The following RBFOX1 variants were observed in gnomAD, a reference collection of about 807,000 sequenced individuals.
The protein encoded by RBFOX1 is RNA binding fox-1 homolog 1.
Under a neutral mutation model 57.7 loss-of-function variants are expected in RBFOX1, and 8 were observed. The ratio of observed to expected loss-of-function variants is 0.14; its 90% CI spans 0.08 to 0.25. The LOEUF (loss-of-function observed/expected upper bound fraction) is 0.25, where lower values mean the gene tolerates loss of function less well. RBFOX1 is among the 10% of genes least tolerant of loss of function. The pLI is 1.00. For missense variants in RBFOX1, 611 were observed against 548.5 expected (o/e 1.11, Z -1.14); for synonymous variants, 326 against 222.4 (o/e 1.47, Z -4.15).
At position 5,718,648 on chromosome 16, in the gene RBFOX1, T is replaced by A. The variant is rs561614237; in HGVS notation, c.318+119687T>A. On this transcript the variant is annotated intron_variant, in intron 3 of 19. Coordinates refer to the RBFOX1 transcript ENST00000641259. Reference sequence around the variant, plus strand: ...CTGGCTGGACATGGTAGCTCATGCTTGTAAGCCCAGAACTTTGGGAGGCCA... The same window carrying A: ...CTGGCTGGACATGGTAGCTCATGCTAGTAAGCCCAGAACTTTGGGAGGCCA... Among the ~76,000 whole-genome samples, 14 of 152,308 alleles carry A rather than the reference T, an allele frequency of 9.2e-5. 1 individual carries two copies. The South Asian group carries it at 2.3e-3, about 25-fold the overall frequency.
chr16:5,856,208 CA>C (rs2057039965), intron 3 of RBFOX1, among the ~76,000 whole-genome samples: 2 of 28,560 alleles, frequency 7.0e-5, no homozygotes, highest in African/African-American at 2.4e-4. Context: ...TATATATATA[CA>C]TATATATGTA....
intron 1 of RBFOX1, among the ~76,000 whole-genome samples, chr16:6,242,838 C>T (rs1445808997): frequency 6.6e-6 from 1 of 152,028 alleles, no homozygotes; most frequent in Non-Finnish European, 1.5e-5. Flanking sequence ...TGACCCTATG[C>T]CTTTAATCAC....
chr16:6,867,851 G>C (rs1603634415), intron 3 of RBFOX1, among the ~76,000 whole-genome samples: 1 of 152,128 alleles, frequency 6.6e-6, no homozygotes, highest in East Asian at 1.9e-4. Flanking sequence ...CCTTTCTGCT[G>C]ACAGGTGTCC....
chr16:7,677,171 TC>T (rs1292990084), intron 14 of RBFOX1, among the ~76,000 whole-genome samples: 4 of 66,558 alleles, frequency 6.0e-5, no homozygotes, highest in Admixed American at 2.0e-4. Flanking sequence ...CGTACAACCT[TC>T]TTATGGTCTT....
intron 4 of RBFOX1, among the ~76,000 whole-genome samples, chr16:5,881,757 A>G (rs376129276): frequency 2.0e-5 from 3 of 152,208 alleles, no homozygotes; most frequent in African/African-American, 7.2e-5. Context: ...GTGGTATAGT[A>G]AGACTTCATA....
intron 1 of RBFOX1, among the ~76,000 whole-genome samples, chr16:5,305,495 A>G (rs2063910827): frequency 6.6e-6 from 1 of 152,158 alleles, no homozygotes; most frequent in Non-Finnish European, 1.5e-5. Context: ...TTCTTTAAAG[A>G]CCATGTTTTA....
At chr16:6,401,372 A>G (rs948707055) in intron 2 of RBFOX1, among the ~76,000 whole-genome samples, 3 of 152,194 alleles carry the variant, frequency 2.0e-5, no homozygotes, top group African/African-American at 7.2e-5. Flanking sequence ...CTTCCTCACA[A>G]TATAAACACT....
At chr16:6,686,444 A>C (rs1442732882) in intron 3 of RBFOX1, among the ~76,000 whole-genome samples, 2 of 152,198 alleles carry the variant, frequency 1.3e-5, no homozygotes, top group Non-Finnish European at 2.9e-5. Flanking sequence ...CGTTGTACTC[A>C]CAACGCAGCT....
intron 2 of RBFOX1, among the ~76,000 whole-genome samples, chr16:6,594,099 C>T (rs886424728): frequency 6.6e-6 from 1 of 152,160 alleles, no homozygotes; most frequent in African/African-American, 2.4e-5. Context: ...AATGTGTCCT[C>T]ATCATGTTGA....
rs372020950 is a variant in RBFOX1, at chr16:6,126,555, A to G, written c.-127+106563A>G. ...ACATGGTAAAGTCAAGTTCCAAACT[A>G]TCTTCCATATGGCTTTAGACTGTAA... On this transcript the variant is annotated intron_variant, in intron 1 of 15. Coordinates refer to ENST00000550418, the MANE Select transcript of RBFOX1 (RefSeq NM_018723.4). Among the ~76,000 whole-genome samples, 70 of 152,330 alleles carry G rather than the reference A, an allele frequency of 4.6e-4. 2 individuals carry two copies. The South Asian group carries it at 0.014, about 31-fold the overall frequency.
At chr16:6,192,772 T>C (rs1451974586) in intron 1 of RBFOX1, among the ~76,000 whole-genome samples, 2 of 152,230 alleles carry the variant, frequency 1.3e-5, no homozygotes, top group African/African-American at 4.8e-5. Flanking sequence ...AGATTATGCA[T>C]GTGAAATGCT....
chr16:6,157,979 G>T (rs1430037072), intron 1 of RBFOX1, among the ~76,000 whole-genome samples: 2 of 152,144 alleles, frequency 1.3e-5, no homozygotes, highest in African/African-American at 4.8e-5. Flanking sequence ...AGAAAGATGA[G>T]ATATACTAAT....
At chr16:5,710,405 G>T (rs4786764) in intron 3 of RBFOX1, among the ~76,000 whole-genome samples, 101,272 of 151,994 alleles carry the variant, frequency 0.67, 34,672 homozygotes, top group Non-Finnish European at 0.72. Context: ...TTTGCTGCTT[G>T]GTAGCCTTGC....
At chr16:6,493,658 C>T (rs1414836649) in intron 2 of RBFOX1, among the ~76,000 whole-genome samples, 4 of 152,074 alleles carry the variant, frequency 2.6e-5, no homozygotes, top group Non-Finnish European at 5.9e-5. Flanking sequence ...TTTCAATTTG[C>T]TGTAAGGGCA....
intron 3 of RBFOX1, among the ~76,000 whole-genome samples, chr16:5,692,014 CT>C (rs1387058133): frequency 2.8e-5 from 1 of 35,512 alleles, no homozygotes; most frequent in Non-Finnish European, 9.7e-5. Flanking sequence ...TTTGGTAACT[CT>C]TTTTTTATTT....
At chr16:5,633,103 T>C (rs949477757) in intron 3 of RBFOX1, among the ~76,000 whole-genome samples, 1 of 151,976 alleles carries the variant, frequency 6.6e-6, no homozygotes, top group African/African-American at 2.4e-5. Context: ...CATGCCCGGC[T>C]AATTTTTGTA....
intron 1 of RBFOX1, among the ~76,000 whole-genome samples, chr16:6,109,006 TAGGACCTGATATCTTC>T (rs1176420608): frequency 1.8e-4 from 27 of 152,282 alleles, no homozygotes; most frequent in Admixed American, 1.6e-3. Context: ...CTACAGGGAT[TAGGACCTGATATCTTC>T]GGGTGGCGAT....
chr16:6,497,166 C>T (rs567067439), intron 2 of RBFOX1, among the ~76,000 whole-genome samples: 1 of 152,130 alleles, frequency 6.6e-6, no homozygotes, highest in East Asian at 1.9e-4. Context: ...GGACTGGGAA[C>T]TTGGCAACAG....
intron 1 of RBFOX1, among the ~76,000 whole-genome samples, chr16:5,317,710 CTTTT>C (rs1220610356): frequency 6.6e-6 from 1 of 152,166 alleles, no homozygotes; most frequent in Non-Finnish European, 1.5e-5. Flanking sequence ...TGTTTGTTTT[CTTTT>C]GTTTCTTCTC....
Sources: gnomAD v4.1 joint callset for allele counts (sites outside exome capture counted in the v4.1 genomes callset) on GRCh38, gnomAD v4.1.1 for gene constraint, MANE v1.5 for transcripts, NCBI Gene and HGNC (gene_info 2026-07-23, HGNC 2026-07-21) for gene names.